The following TESK2 variants were observed in gnomAD, a reference collection of about 807,000 sequenced individuals.
The protein encoded by TESK2 is dual specificity testis-specific protein kinase 2.
In TESK2, 39 loss-of-function variants were observed where a neutral mutation model predicts 57.1. The ratio of observed to expected loss-of-function variants is 0.68; its 90% CI spans 0.53 to 0.89. TESK2 has a LOEUF of 0.89. Among genes scored for constraint, TESK2 ranks in the 40% least tolerant of loss-of-function variants. The pLI, the probability that TESK2 is intolerant of heterozygous loss-of-function variation, is 0.00. For missense variants in TESK2, 646 were observed against 732.1 expected (o/e 0.88, Z 1.36); for synonymous variants, 249 against 267.9 (o/e 0.93, Z 0.69).
chr1:45,475,021 T>C (rs1652923261), intron 1 of TESK2, among the ~76,000 whole-genome samples: 1 of 137,532 alleles, frequency 7.3e-6, no homozygotes, highest in Non-Finnish European at 1.5e-5. Flanking sequence ...AGGCAACTCA[T>C]GGGCTGGGTG....
intron 4 of TESK2, among the ~76,000 whole-genome samples, chr1:45,373,657 T>A (rs796349452): frequency 6.6e-5 from 10 of 152,346 alleles, no homozygotes; most frequent in African/African-American, 2.4e-4. Context: ...AATAAATGCC[T>A]ATGACTGACT....
At chr1:45,361,015 C>T (rs186833275) in intron 4 of TESK2, among the ~76,000 whole-genome samples, 1 of 152,084 alleles carries the variant, frequency 6.6e-6, no homozygotes, top group Non-Finnish European at 1.5e-5. Context: ...ACAGGGTTTT[C>T]CCATGTTGGC....
At chr1:45,403,411 G>A (rs1649713174) in intron 3 of TESK2, among the ~76,000 whole-genome samples, 1 of 152,118 alleles carries the variant, frequency 6.6e-6, no homozygotes, top group South Asian at 2.1e-4. Context: ...TGGAAAACTG[G>A]TTGTGCTAGG....
intron 1 of TESK2, among the ~76,000 whole-genome samples, chr1:45,468,725 A>G (rs1652651333): frequency 1.3e-5 from 2 of 152,296 alleles, no homozygotes; most frequent in Admixed American, 1.3e-4. Flanking sequence ...ACATTACCAG[A>G]AAAACATAAG....
chr1:45,390,540 T>C (rs1279570411), intron 3 of TESK2, among the ~76,000 whole-genome samples: 1 of 151,622 alleles, frequency 6.6e-6, no homozygotes, highest in East Asian at 1.9e-4. Flanking sequence ...GTTACCAAAC[T>C]TTAAGAATAG....
intron 2 of TESK2, among the ~76,000 whole-genome samples, chr1:45,455,619 A>T (rs1450199023): frequency 6.6e-6 from 1 of 152,190 alleles, no homozygotes; most frequent in South Asian, 2.1e-4. Context: ...TTAACGTTTC[A>T]TGGGTACAGA....
intron 3 of TESK2, among the ~76,000 whole-genome samples, chr1:45,401,109 A>G (rs1322917602): frequency 6.6e-6 from 1 of 150,734 alleles, no homozygotes; most frequent in East Asian, 1.9e-4. Context: ...AAACACTGAC[A>G]CTACTGGCCA....
At chr1:45,384,560 C>T (rs1022949978) in intron 4 of TESK2, among the ~76,000 whole-genome samples, 18 of 145,832 alleles carry the variant, frequency 1.2e-4, no homozygotes, top group African/African-American at 4.6e-4. Flanking sequence ...AATAGGACTA[C>T]AGGTACATGC....
intron 2 of TESK2, among the ~76,000 whole-genome samples, chr1:45,441,475 C>A (rs1570734336): frequency 6.6e-6 from 1 of 152,072 alleles, no homozygotes; most frequent in Non-Finnish European, 1.5e-5. Flanking sequence ...CCGCACCCAG[C>A]CTGTTGTTTT....
At chr1:45,360,214 G>A (rs1036490139) in intron 4 of TESK2, among the ~76,000 whole-genome samples, 3 of 152,130 alleles carry the variant, frequency 2.0e-5, no homozygotes, top group Non-Finnish European at 1.5e-5. Context: ...GTGCCCATTT[G>A]CTGAAAAGAA....
intron 1 of TESK2, among the ~76,000 whole-genome samples, chr1:45,462,523 C>G (rs113642653): frequency 0.043 from 6,489 of 152,270 alleles, 211 homozygotes; most frequent in South Asian, 0.067. Flanking sequence ...CCGCCCACCT[C>G]GGCCTCCCAA....
rs1179301838 is a variant in TESK2, at chr1:45,347,942, A to C, written c.599T>G (p.Leu200Arg). 1 of 1,613,508 alleles carries C rather than the reference A, an allele frequency of 6.2e-7. No homozygotes were observed. ...GYSAVVADFG[L>R]AEKIPDVSMG... is the part of the protein sequence containing the mutation. ...CCTGACATCGGGGATCTTCTCAGCC[A>C]GGCCAAAGTCAGCTACCACTGCAGA... is the stretch of plus-strand genomic sequence containing the variant. Residue 200 changes from leucine (L) to arginine (R), a missense_variant, in exon 6 of 11, where the codon CTG (leucine) becomes CGG (arginine). Transcript: ENST00000372086.
chr1:45,395,078 C>T (rs1649305561), intron 3 of TESK2, among the ~76,000 whole-genome samples: 2 of 152,080 alleles, frequency 1.3e-5, no homozygotes, highest in South Asian at 4.1e-4. Flanking sequence ...TTTACCATTC[C>T]CCATAAAGTG....
chr1:45,392,861 G>A (rs1186959448), intron 3 of TESK2, among the ~76,000 whole-genome samples: 2 of 152,134 alleles, frequency 1.3e-5, no homozygotes, highest in African/African-American at 4.8e-5. Context: ...TAAGAGTACA[G>A]ATCTTGTCTC....
At chr1:45,484,954 C>G (rs999698232) in intron 1 of TESK2, among the ~76,000 whole-genome samples, 13 of 151,544 alleles carry the variant, frequency 8.6e-5, no homozygotes, top group South Asian at 2.1e-4. Flanking sequence ...TGGCGTGAAC[C>G]CGGGAGGCGG....
chr1:45,413,671 AT>A (rs1650124530), intron 3 of TESK2, among the ~76,000 whole-genome samples: 1 of 152,100 alleles, frequency 6.6e-6, no homozygotes, highest in Admixed American at 6.6e-5. Context: ...GAAGTTCAAT[AT>A]AAAAAAGATA....
intron 7 of TESK2, among the ~76,000 whole-genome samples, chr1:45,347,360 G>A (rs1241103619): frequency 2.6e-5 from 4 of 152,168 alleles, no homozygotes; most frequent in African/African-American, 9.7e-5. Context: ...CAGGTCAGGA[G>A]TCTGAGACCA....
chr1:45,399,001 A>G (rs766167592), intron 3 of TESK2: 2 of 435,188 alleles, frequency 4.6e-6, no homozygotes, highest in African/African-American at 4.2e-5. Flanking sequence ...AAAAAAAAAA[A>G]AAAAAACAAG....
chr1:45,418,166 T>C (rs1244750312), intron 3 of TESK2, among the ~76,000 whole-genome samples: 1 of 152,214 alleles, frequency 6.6e-6, no homozygotes, highest in African/African-American at 2.4e-5. Context: ...AATTCTATTT[T>C]CTAAATGTTT....
Sources: allele counts gnomAD v4.1 joint callset (sites outside exome capture counted in the v4.1 genomes callset), GRCh38; gene constraint gnomAD v4.1.1; transcripts MANE v1.5; gene names NCBI Gene and HGNC (gene_info 2026-07-23, HGNC 2026-07-21).